RNF216: variants seen among roughly 807,000 people sequenced by gnomAD.
RNF216 encodes ring finger protein 216.
Under a neutral mutation model 110.8 loss-of-function variants are expected in RNF216, and 72 were observed. The ratio of observed to expected loss-of-function variants is 0.65; its 90% CI spans 0.54 to 0.79. RNF216 has a LOEUF of 0.79. Among genes scored for constraint, RNF216 ranks in the 30% least tolerant of loss-of-function variants. RNF216 has a pLI of 0.00. For missense variants in RNF216, 1,342 were observed against 1,141.2 expected (o/e 1.18, Z -2.54); for synonymous variants, 495 against 407.5 (o/e 1.21, Z -2.59).
intron 14 of RNF216, among the ~76,000 whole-genome samples, chr7:5,647,321 T>C (rs1788109391): frequency 7.4e-6 from 1 of 135,278 alleles, no homozygotes; most frequent in Admixed American, 7.6e-5. Flanking sequence ...CTTCATTTTC[T>C]TTCTTTCTTT....
In RNF216 at chr7:5,711,799, C is replaced by T. The variant is rs920358887; in HGVS notation, c.2023G>A (p.Val675Met). The T allele has an allele frequency of 1.2e-5, 19 of 1,613,848 alleles. No homozygotes were observed. Among genetic ancestry groups the T allele is most frequent in the African/African-American group, 2.7e-5 (2 of 74,924 alleles). ...CSFPALLDSD[V>M]KRFSCPNPHC... ...GGATTAGGACAGCTGAACCTCTTCA[C>T]ATCACTGTCCAACAGAGCCGGAAAG... The change falls in exon 13 of 17, where the codon GTG (valine) becomes ATG (methionine). Residue 675 changes from valine to methionine, a missense_variant. Transcript: ENST00000389902.
In RNF216 at chr7:5,707,717, GGT is replaced by G. The variant is rs1491583014; in HGVS notation, c.2061+4042_2061+4043del. Among the ~76,000 whole-genome samples the G allele has an allele frequency of 3.8e-3, 487 of 128,786 alleles. 2 individuals carry two copies. Among genetic ancestry groups the G allele is most frequent in the African/African-American group, 0.014 (468 of 33,080 alleles). The allele number at this position is 128,786 out of a possible 152,430, so 84.5% of individuals were successfully genotyped here. ...AAAAAGCTTTTCAGTGTGTGTGTGT[GGT>G]TTTTTTTTTTTTTTTTTTTTTTGTG... On this transcript the variant is annotated intron_variant, in intron 13 of 16. Coordinates refer to ENST00000389902, the MANE Select transcript of RNF216 (RefSeq NM_207111.4).
intron 14 of RNF216, among the ~76,000 whole-genome samples, chr7:5,642,325 C>T (rs1170596232): frequency 6.6e-6 from 1 of 151,804 alleles, no homozygotes; most frequent in African/African-American, 2.4e-5. Flanking sequence ...GAGATTCTCC[C>T]ACTTCAGTCT....
chr7:5,635,433 GA>G (rs1161420725), intron 15 of RNF216, among the ~76,000 whole-genome samples: 1 of 152,040 alleles, frequency 6.6e-6, no homozygotes, highest in Non-Finnish European at 1.5e-5. Context: ...TAAGGTTAAG[GA>G]AAAAATTCTG....
chr7:5,676,294 G>A (rs998120413), intron 13 of RNF216, among the ~76,000 whole-genome samples: 2 of 152,106 alleles, frequency 1.3e-5, no homozygotes, highest in Non-Finnish European at 2.9e-5. Context: ...ATTGACCACC[G>A]CGGCCAGCCT....
chr7:5,754,812 G>C (rs941173113), intron 2 of RNF216, among the ~76,000 whole-genome samples: 4 of 152,082 alleles, frequency 2.6e-5, no homozygotes, highest in African/African-American at 9.7e-5. Flanking sequence ...CAGATCACTT[G>C]AGGCCAGGAG....
At chr7:5,662,214 G>A (rs747555044) in intron 13 of RNF216, among the ~76,000 whole-genome samples, 1 of 152,216 alleles carries the variant, frequency 6.6e-6, no homozygotes, top group African/African-American at 2.4e-5. Flanking sequence ...TACTGGTAAC[G>A]ATAGGAACCT....
At position 5,741,389 on chromosome 7, in the gene RNF216, A is replaced by G. The variant is rs771683505; in HGVS notation, c.628T>C (p.Ser210Pro). The G allele has an allele frequency of 4.3e-6, 7 of 1,614,052 alleles. No homozygotes were observed. The highest frequency in any genetic ancestry group is 4.0e-5 in the African/African-American group (3 of 74,934). The part of the protein sequence containing the change: ...SSEDSETELL[S>P]NLGESAALAD... ...AGAGCAGCTGACTCTCCTAGATTTGATAACAGCTCTGTCTCTGAGTCTTCG... is the reference window on the plus strand; with the variant it reads ...AGAGCAGCTGACTCTCCTAGATTTGGTAACAGCTCTGTCTCTGAGTCTTCG... The change falls in exon 4 of 17, where the codon TCA becomes CCA. Residue 210 changes from serine (S) to proline (P), a missense_variant. Coordinates refer to ENST00000389902, the MANE Select transcript of RNF216 (RefSeq NM_207111.4).
At chr7:5,674,629 T>TAAACA (rs1291028262) in intron 13 of RNF216, among the ~76,000 whole-genome samples, 1 of 144,604 alleles carries the variant, frequency 6.9e-6, no homozygotes, top group Non-Finnish European at 1.5e-5. Flanking sequence ...GTTTCAAAAC[T>TAAACA]AAACAAAACA....
intron 13 of RNF216, among the ~76,000 whole-genome samples, chr7:5,702,038 G>A (rs559486494): frequency 5.9e-5 from 9 of 152,180 alleles, no homozygotes; most frequent in Non-Finnish European, 7.4e-5. Flanking sequence ...CTAGGGATCA[G>A]GGAGGTCGGC....
intron 13 of RNF216, among the ~76,000 whole-genome samples, chr7:5,660,955 T>TTTTTTTTTTG (rs1562800028): frequency 1.4e-5 from 2 of 145,684 alleles, no homozygotes; most frequent in East Asian, 2.0e-4. Context: ...TTTTTTTTTT[T>TTTTTTTTTTG]TTTTTTTTTT....
At chr7:5,777,433 T>C (rs1309617666) in intron 1 of RNF216, 1 of 152,192 alleles carries the variant, frequency 6.6e-6, no homozygotes, top group Non-Finnish European at 1.5e-5. Flanking sequence ...GGCTGCAATG[T>C]GTAAGATGGC....
chr7:5,657,526 C>T (rs1788823307), intron 13 of RNF216, among the ~76,000 whole-genome samples: 1 of 151,998 alleles, frequency 6.6e-6, no homozygotes, highest in Non-Finnish European at 1.5e-5. Flanking sequence ...GAAATCTTGC[C>T]ATTGCACTCC....
intron 10 of RNF216, 50 bp from the exon 11 acceptor site, chr7:5,715,240 G>A (rs1792972458): frequency 1.9e-6 from 3 of 1,573,220 alleles, no homozygotes; most frequent in African/African-American, 1.3e-5. Flanking sequence ...TTAAGGAGAG[G>A]GGGAGCCTTG....
intron 7 of RNF216, among the ~76,000 whole-genome samples, chr7:5,727,223 C>G (rs866758775): frequency 6.6e-6 from 1 of 152,200 alleles, no homozygotes; most frequent in Non-Finnish European, 1.5e-5. Context: ...TCAATGCCAG[C>G]CCCTCTTTCT....
chr7:5,692,692 T>C (rs1305727309), intron 13 of RNF216, among the ~76,000 whole-genome samples: 8 of 152,192 alleles, frequency 5.3e-5, no homozygotes. Flanking sequence ...GGTGGTAAAA[T>C]AAGCCTTCCA....
chr7:5,688,570 A>C (rs1791128868), intron 13 of RNF216, among the ~76,000 whole-genome samples: 1 of 152,244 alleles, frequency 6.6e-6, no homozygotes, highest in Non-Finnish European at 1.5e-5. Flanking sequence ...TTAGGTTTTG[A>C]AGAAAAAAGT....
chr7:5,653,600 CAAAAAAAAAAAA>C (rs34530431), intron 13 of RNF216, among the ~76,000 whole-genome samples: 1 of 50,492 alleles, frequency 2.0e-5, no homozygotes, highest in African/African-American at 8.6e-5. Context: ...GACTCTGTCT[CAAAAAAAAAAAA>C]AAAAAAAAAA....
chr7:5,683,592 G>C (rs574746720), intron 13 of RNF216, among the ~76,000 whole-genome samples: 1 of 152,202 alleles, frequency 6.6e-6, no homozygotes, highest in Non-Finnish European at 1.5e-5. Context: ...TGTGATGGGA[G>C]AGAGGTGCCA....
Sources: gnomAD v4.1 joint callset for allele counts (sites outside exome capture counted in the v4.1 genomes callset) on GRCh38, gnomAD v4.1.1 for gene constraint, MANE v1.5 for transcripts, NCBI Gene and HGNC (gene_info 2026-07-23, HGNC 2026-07-21) for gene names.